Variants in ZC3H12B observed in about 807,000 individuals in gnomAD.
The protein encoded by ZC3H12B is probable ribonuclease ZC3H12B.
ZC3H12B carries 7 observed loss-of-function variants against 43.9 expected under a neutral mutation model. The ratio of observed to expected loss-of-function variants is 0.16; its 90% CI spans 0.09 to 0.30. ZC3H12B has a LOEUF of 0.30. Among genes scored for constraint, ZC3H12B ranks in the 10% least tolerant of loss-of-function variants. ZC3H12B has a pLI of 1.00. For missense variants in ZC3H12B, 475 were observed against 670.2 expected (o/e 0.71, Z 3.22); for synonymous variants, 222 against 241.7 (o/e 0.92, Z 0.76).
chrX:65,036,789 C>T, the ZC3H12B span, among the ~76,000 whole-genome samples: 2 of 109,672 alleles, frequency 1.8e-5, no homozygotes, highest in Non-Finnish European at 3.8e-5. Context: ...AATACTTGCT[C>T]TTCACCTTCA....
the ZC3H12B span, among the ~76,000 whole-genome samples, chrX:65,074,603 A>G: frequency 9.0e-6 from 1 of 111,725 alleles, no homozygotes; most frequent in Non-Finnish European, 1.9e-5. Context: ...CATAATGTGT[A>G]TATTGATTCA....
chrX:65,256,857 C>T, the ZC3H12B span, among the ~76,000 whole-genome samples: 1 of 112,210 alleles, frequency 8.9e-6, no homozygotes, highest in African/African-American at 3.2e-5. Context: ...AAAAAATGCT[C>T]ATCATCACTG....
the ZC3H12B span, among the ~76,000 whole-genome samples, chrX:65,320,657 A>T: frequency 1.8e-5 from 2 of 112,351 alleles, no homozygotes; most frequent in African/African-American, 3.2e-5. Flanking sequence ...ATACTACAGC[A>T]TTACAATAAC....
the ZC3H12B span, among the ~76,000 whole-genome samples, chrX:65,163,545 A>T: frequency 9.0e-6 from 1 of 111,380 alleles, no homozygotes; most frequent in Non-Finnish European, 1.9e-5. Context: ...GCAATCAGTG[A>T]GACTCCGTGG....
At chrX:65,296,007 A>T in the ZC3H12B span, among the ~76,000 whole-genome samples, 1 of 112,159 alleles carries the variant, frequency 8.9e-6, no homozygotes, top group Non-Finnish European at 1.9e-5. Context: ...TCCTACTACT[A>T]GGTATCTTCC....
At chrX:65,235,496 A>C in the ZC3H12B span, among the ~76,000 whole-genome samples, 1 of 111,331 alleles carries the variant, frequency 9.0e-6, no homozygotes, top group African/African-American at 3.3e-5. Context: ...CTCTCCAGCC[A>C]CTGCCATCTC....
At chrX:65,120,794 A>T in the ZC3H12B span, among the ~76,000 whole-genome samples, 6 of 111,376 alleles carry the variant, frequency 5.4e-5, no homozygotes, top group African/African-American at 2.0e-4. Flanking sequence ...TTTGTCATAG[A>T]TACCTCTTAT....
chrX:65,433,083 G>A (rs184462273), intron 3 of ZC3H12B, among the ~76,000 whole-genome samples: 2 of 112,869 alleles, frequency 1.8e-5, no homozygotes, highest in East Asian at 5.5e-4. Context: ...AAAGGCATTT[G>A]CCAAGTTATT....
At chrX:65,338,186 T>C in the ZC3H12B span, among the ~76,000 whole-genome samples, 1 of 111,279 alleles carries the variant, frequency 9.0e-6, no homozygotes, top group Non-Finnish European at 1.9e-5. Flanking sequence ...CATTTTCATG[T>C]TTAGAACTCC....
At chrX:65,132,322 T>G in the ZC3H12B span, among the ~76,000 whole-genome samples, 76 of 111,148 alleles carry the variant, frequency 6.8e-4, no homozygotes, top group African/African-American at 2.4e-3. Context: ...TTTATAGGTT[T>G]TAGAAGCCCA....
chrX:65,175,198 G>T, the ZC3H12B span, among the ~76,000 whole-genome samples: 1 of 111,414 alleles, frequency 9.0e-6, no homozygotes, highest in Non-Finnish European at 1.9e-5. Flanking sequence ...CTTACCCTCC[G>T]TGGGCTGCAC....
the ZC3H12B span, among the ~76,000 whole-genome samples, chrX:65,113,751 A>C: frequency 9.2e-5 from 10 of 108,672 alleles, no homozygotes; most frequent in Non-Finnish European, 1.7e-4. Flanking sequence ...CCACTAGCAA[A>C]AACATTCCAA....
At chrX:65,189,284 T>C in the ZC3H12B span, among the ~76,000 whole-genome samples, 2 of 96,537 alleles carry the variant, frequency 2.1e-5, no homozygotes, top group East Asian at 6.6e-4. Flanking sequence ...TATAGCAGCA[T>C]GATTTATAGT....
At chrX:65,067,577 G>A in the ZC3H12B span, among the ~76,000 whole-genome samples, 43 of 110,541 alleles carry the variant, frequency 3.9e-4, 1 homozygote, top group Non-Finnish European at 7.6e-5. Flanking sequence ...GACTGCAGCT[G>A]TTCCTATTCA....
At chrX:65,192,149 C>T in the ZC3H12B span, among the ~76,000 whole-genome samples, 5 of 109,523 alleles carry the variant, frequency 4.6e-5, no homozygotes, top group South Asian at 2.0e-3. Flanking sequence ...AGTTTGATTA[C>T]ACTGTGGTCT....
the ZC3H12B span, among the ~76,000 whole-genome samples, chrX:65,103,407 G>A: frequency 2.7e-5 from 3 of 111,518 alleles, no homozygotes; most frequent in Non-Finnish European, 5.7e-5. Context: ...TTTTTTCAAG[G>A]TGCCCAGATT....
exon 1 of ZC3H12B, chrX:65,488,840 G>C: frequency 8.3e-7 from 1 of 1,205,761 alleles, no homozygotes; most frequent in Non-Finnish European, 1.1e-6. Context: ...CAAAAATGGA[G>C]AAGAGTGCCT....
chrX:65,179,358 T>G, the ZC3H12B span, among the ~76,000 whole-genome samples: 1 of 109,629 alleles, frequency 9.1e-6, no homozygotes, highest in South Asian at 4.0e-4. Flanking sequence ...TATACCTATG[T>G]AACAAACCTG....
At chrX:65,161,305 C>A in the ZC3H12B span, among the ~76,000 whole-genome samples, 1 of 111,128 alleles carries the variant, frequency 9.0e-6, no homozygotes, top group Non-Finnish European at 1.9e-5. Context: ...GAATTCAATT[C>A]CTGGGGATCT....
Sources: allele counts gnomAD v4.1 joint callset (sites outside exome capture counted in the v4.1 genomes callset), GRCh38; gene constraint gnomAD v4.1.1; transcripts MANE v1.5; gene names NCBI Gene and HGNC (gene_info 2026-07-23, HGNC 2026-07-21).